Variants in CTNND2 observed in about 807,000 individuals in gnomAD.
CTNND2 encodes catenin delta-2.
In CTNND2, 22 loss-of-function variants were observed where a neutral mutation model predicts 144.4. The observed-to-expected ratio is 0.15, with a 90% confidence interval of 0.11 to 0.22. CTNND2 has a LOEUF of 0.22. Among genes scored for constraint, CTNND2 ranks in the 10% least tolerant of loss-of-function variants. CTNND2 has a pLI of 1.00. For missense variants in CTNND2, 1,353 were observed against 1,618.8 expected (o/e 0.84, Z 2.82); for synonymous variants, 751 against 695.6 (o/e 1.08, Z -1.25).
chr5:11,537,179 T>C (rs1219013693), intron 3 of CTNND2, among the ~76,000 whole-genome samples: 2 of 152,084 alleles, frequency 1.3e-5, no homozygotes, highest in Non-Finnish European at 2.9e-5. Flanking sequence ...TACGAATTCC[T>C]AGTGGATTTT....
chr5:11,211,692 A>C (rs189419230), intron 10 of CTNND2, among the ~76,000 whole-genome samples: 7 of 152,364 alleles, frequency 4.6e-5, no homozygotes, highest in African/African-American at 1.7e-4. Context: ...CTGGCATGAC[A>C]AAAGCACACA....
At chr5:11,314,781 C>T (rs1751328503) in intron 9 of CTNND2, among the ~76,000 whole-genome samples, 1 of 152,182 alleles carries the variant, frequency 6.6e-6, no homozygotes. Flanking sequence ...TCCTGGCTCC[C>T]ACTACCCCTG....
rs1458148797 is a variant in CTNND2 at position 11,564,997 on chromosome 5, G to A, written c.234C>T (p.Ser78=). Residue 78 remains serine (S), a synonymous_variant, in exon 3 of 22, where the codon AGC becomes AGT. Transcript: ENST00000304623. The stretch of plus-strand genomic sequence containing the variant: ...ATCCGAGCTTGCATCGCTCCAGCTG[G>A]CTGGCTACGATCTGCCGTTCAGCCT... ...ELEAERQIVA[S]QLERCKLGSE... The A allele has an allele frequency of 3.1e-6, 5 of 1,613,968 alleles. No homozygotes were observed. In the African/African-American group the frequency reaches 5.3e-5, roughly 17 times the overall value.
chr5:11,570,854 C>G (rs987669765), intron 2 of CTNND2, among the ~76,000 whole-genome samples: 4 of 151,964 alleles, frequency 2.6e-5, no homozygotes, highest in African/African-American at 7.2e-5. Flanking sequence ...TAACATTACT[C>G]TTGCTTTTTC....
At position 11,807,878 on chromosome 5, in the gene CTNND2, A is replaced by G. The variant is rs530844561; in HGVS notation, c.38-75606T>C. Among the ~76,000 whole-genome samples, 3 of 152,330 alleles carry G rather than the reference A, an allele frequency of 2.0e-5. No individual in the cohort carries two copies. The East Asian group carries it at 5.8e-4, about 29-fold the overall frequency. On this transcript the variant is annotated intron_variant, in intron 1 of 21. Transcript: ENST00000304623. ...CTAAGCCTATAAATTAACTTATATT[A>G]TTAATGATTGTGTTTGAGTAGGTTA...
chr5:11,638,605 GCT>G lies in CTNND2; in HGVS notation c.175-73551_175-73550del, dbSNP rs575620014. Among the ~76,000 whole-genome samples, 117 of 152,170 alleles carry G rather than the reference GCT, an allele frequency of 7.7e-4. 4 individuals carry two copies. In the South Asian group the frequency reaches 0.023, roughly 31 times the overall value. ...CCATGGACTCCCACCCACTACTCTT[GCT>G]CTGTCACCCAGGCTGAAGTGCAGTG... On this transcript the variant is annotated intron_variant, in intron 2 of 21. Coordinates refer to ENST00000304623, the MANE Select transcript of CTNND2 (RefSeq NM_001332.4).
chr5:11,234,786 A>G (rs1421855101), intron 10 of CTNND2, among the ~76,000 whole-genome samples: 4 of 152,078 alleles, frequency 2.6e-5, no homozygotes, highest in African/African-American at 9.7e-5. Context: ...CTATCTCTTG[A>G]TGTTTGACTT....
intron 9 of CTNND2, among the ~76,000 whole-genome samples, chr5:11,315,608 G>A (rs1266796296): frequency 6.6e-6 from 1 of 152,170 alleles, no homozygotes; most frequent in Non-Finnish European, 1.5e-5. Context: ...GGTTTTTGTA[G>A]CTGGGTAATG....
intron 9 of CTNND2, among the ~76,000 whole-genome samples, chr5:11,298,818 G>C (rs1040308521): frequency 6.6e-6 from 1 of 152,204 alleles, no homozygotes; most frequent in Non-Finnish European, 1.5e-5. Context: ...ACATATGTCG[G>C]TTTGCCCCAG....
intron 19 of CTNND2, among the ~76,000 whole-genome samples, chr5:10,990,547 C>T (rs923708119): frequency 7.2e-5 from 11 of 152,166 alleles, no homozygotes; most frequent in Admixed American, 5.2e-4. Context: ...TAAAGGTTAG[C>T]CTTTTATGAG....
In CTNND2 at chr5:11,295,019, G is replaced by T. The variant is rs1030491230; in HGVS notation, c.1628+51353C>A. ...GGAGAAGGAAATAAAGGGTATTCAA[G>T]TAGGAAAAGACGAAGTCAAATTGTC... On this transcript the variant is annotated intron_variant, in intron 9 of 21. Coordinates refer to ENST00000304623, the MANE Select transcript of CTNND2 (RefSeq NM_001332.4). 5.2e-4 allele frequency among the ~76,000 whole-genome samples: 79 copies of T among 152,206 alleles called. 1 individual carries two copies. Among genetic ancestry groups the T allele is most frequent in the African/African-American group, 1.4e-3 (60 of 41,522 alleles).
At chr5:11,533,635 T>C (rs976520439) in intron 3 of CTNND2, among the ~76,000 whole-genome samples, 2 of 152,242 alleles carry the variant, frequency 1.3e-5, no homozygotes, top group African/African-American at 4.8e-5. Context: ...GACTCTGCTC[T>C]GGACATCAGC....
intron 16 of CTNND2, among the ~76,000 whole-genome samples, chr5:11,039,741 G>GT (rs368233008): frequency 6.6e-6 from 1 of 151,988 alleles, no homozygotes; most frequent in Non-Finnish European, 1.5e-5. Flanking sequence ...AGTTCCTTAT[G>GT]TTTTTTTCTA....
chr5:11,836,362 C>CA (rs1400220749), intron 1 of CTNND2, among the ~76,000 whole-genome samples: 1 of 151,962 alleles, frequency 6.6e-6, no homozygotes, highest in Non-Finnish European at 1.5e-5. Context: ...ATTAGAGAAC[C>CA]ACATACTACT....
rs1735978222 is a variant in CTNND2 at position 10,972,848 on chromosome 5, GT to G, written c.*604del. On this transcript the variant is annotated 3_prime_UTR_variant, in exon 22 of 22. Coordinates refer to ENST00000304623, the MANE Select transcript of CTNND2 (RefSeq NM_001332.4). ...CTGGAAATCCATACATCTTTCAAAA[GT>G]TTGAAATTGAAGCAATATTTAGAAC... is the stretch of plus-strand genomic sequence containing the variant. The G allele has an allele frequency of 6.6e-6, 1 of 151,624 alleles. No homozygotes were observed. The allele number at this position is 151,624 out of a possible 1,614,324, so 9.4% of individuals were successfully genotyped here.
At chr5:11,714,934 G>T (rs982741349) in intron 2 of CTNND2, among the ~76,000 whole-genome samples, 2 of 150,976 alleles carry the variant, frequency 1.3e-5, no homozygotes, top group Non-Finnish European at 3.0e-5. Flanking sequence ...AAGAAAGAAA[G>T]AAATCAGGAA....
chr5:11,482,209 C>T (rs757006170), intron 3 of CTNND2, among the ~76,000 whole-genome samples: 26 of 152,130 alleles, frequency 1.7e-4, no homozygotes, highest in Non-Finnish European at 3.2e-4. Flanking sequence ...AAGCACACTG[C>T]TATTCATGGC....
chr5:11,294,203 T>C (rs978085851), intron 9 of CTNND2, among the ~76,000 whole-genome samples: 6 of 150,990 alleles, frequency 4.0e-5, no homozygotes, highest in Non-Finnish European at 8.8e-5. Flanking sequence ...ACAAAGCCAG[T>C]TCCAATTAAG....
rs145227464 is a variant in CTNND2, at chr5:11,781,194, G to A, written c.38-48922C>T. Among the ~76,000 whole-genome samples, 32 of 151,950 alleles carry A rather than the reference G, an allele frequency of 2.1e-4. No homozygotes were observed. The East Asian group carries it at 4.3e-3, about 20-fold the overall frequency. On this transcript the variant is annotated intron_variant, in intron 1 of 21. Coordinates refer to ENST00000304623, the MANE Select transcript of CTNND2 (RefSeq NM_001332.4). ...CACCCCGCAGCAAGCAAATGAGAGA[G>A]AGAACACTAATCCAACTGACAGAGG...
Sources: allele counts gnomAD v4.1 joint callset (sites outside exome capture counted in the v4.1 genomes callset), GRCh38; gene constraint gnomAD v4.1.1; transcripts MANE v1.5; gene names NCBI Gene and HGNC (gene_info 2026-07-23, HGNC 2026-07-21).